SPTAN1: variants seen among roughly 807,000 people sequenced by gnomAD.
The protein encoded by SPTAN1 is spectrin alpha chain, non-erythrocytic 1.
SPTAN1 carries 61 observed loss-of-function variants against 331.3 expected under a neutral mutation model. That is an observed-to-expected ratio of 0.18 (90% confidence interval 0.15 to 0.23). The LOEUF is 0.23. SPTAN1 is among the 10% of genes least tolerant of loss of function. The pLI is 1.00. For missense variants in SPTAN1, 2,043 were observed against 3,147.9 expected, an observed-to-expected ratio of 0.65 and a Z score of 8.40; for synonymous variants, 1,153 against 1,173.9, an observed-to-expected ratio of 0.98 and a Z score of 0.36.
chr9:128,588,858 C>G lies in SPTAN1; in HGVS notation c.2921C>G (p.Ala974Gly). Reference protein sequence around the residue: ...DDETGKELVLALYDYQEKSPR... With the variant: ...DDETGKELVLGLYDYQEKSPR... ...GAGACTGGGAAGGAGCTGGTCTTGGCTCTCTACGACTATCAGGAGAAGAGT... is the reference window on the plus strand; with the variant it reads ...GAGACTGGGAAGGAGCTGGTCTTGGGTCTCTACGACTATCAGGAGAAGAGT... Residue 974 changes from alanine to glycine, a missense_variant, in exon 21 of 57, where the codon GCT becomes GGT. This residue lies in a region of SPTAN1 where 1,038 missense variants were observed against 1,531.5 expected (regional missense o/e 0.68). Transcript: ENST00000372739. The G allele has an allele frequency of 6.2e-7, 1 of 1,614,146 alleles. No individual in the cohort carries two copies. Among genetic ancestry groups the G allele is most frequent in the Non-Finnish European group, 8.5e-7 (1 of 1,180,030 alleles).
intron 37 of SPTAN1, among the ~76,000 whole-genome samples, chr9:128,611,256 G>A (rs1856528662): frequency 6.6e-6 from 1 of 152,182 alleles, no homozygotes; most frequent in Non-Finnish European, 1.5e-5. Flanking sequence ...GATTGCTTGA[G>A]CTCGGGAGTT....
At position 128,625,643 on chromosome 9, in the gene SPTAN1, C is replaced by T; in HGVS notation, c.6070-126C>T. 1.1e-6 allele frequency: 1 copy of T among 879,576 alleles called. No individual in the cohort carries two copies. Among genetic ancestry groups the T allele is most frequent in the Non-Finnish European group, 1.9e-6 (1 of 530,712 alleles). The allele number at this position is 879,576 out of a possible 1,614,324, so 54.5% of individuals were successfully genotyped here. A position where few individuals can be genotyped will look rare whatever the true frequency, so the allele number is the denominator to read the frequency against. On this transcript the variant is annotated intron_variant, in intron 47 of 56. Transcript: ENST00000372739. The surrounding 1 kb of genome is among the most constrained non-coding windows in gnomAD (Gnocchi z 4.1). ...AAAGGGGGCATGTGTGACTGAGTCT[C>T]AGCAGTGTCCAGGTGGACAGTTTGG... is the stretch of plus-strand genomic sequence containing the variant.
chr9:128,617,863 C>A, intron 42 of SPTAN1, 103 bp downstream of exon 42: 1 of 1,611,344 alleles, frequency 6.2e-7, no homozygotes, highest in Non-Finnish European at 8.5e-7. Flanking sequence ...CTAAAGTGTT[C>A]ATGACCCCTC....
chr9:128,630,199 G>A (rs367654110), intron 51 of SPTAN1, 122 bp from the exon 52 acceptor site: 10 of 1,051,490 alleles, frequency 9.5e-6, no homozygotes, highest in Admixed American at 5.1e-5. Context: ...GTTGCAGTTA[G>A]GTTTGGTTTC....
rs548562094 is a variant in SPTAN1 at position 128,574,578 on chromosome 9, G to T, written c.364-97G>T. ...TCTTTTAAAAATATTTTTATTCAGC[G>T]CTCCATAAGGTCTCTAACTTGTCTA... On this transcript the variant is annotated intron_variant, in intron 3 of 56. Transcript: ENST00000372739. The T allele has an allele frequency of 1.6e-4, 220 of 1,365,940 alleles. No homozygotes were observed. The African/African-American group carries it at 2.8e-3, about 17-fold the overall frequency. 84.6% of individuals were successfully genotyped at this position (1,365,940 alleles called of 1,614,324 possible).
At chr9:128,575,145 C>T in intron 4 of SPTAN1, 54 bp from the exon 5 acceptor site, 1 of 1,611,210 alleles carries the variant, frequency 6.2e-7, no homozygotes, top group South Asian at 1.1e-5. Flanking sequence ...TTCTGGAAGC[C>T]ATTGTTAACA....
In SPTAN1 at chr9:128,577,332, C is replaced by G. The variant is rs1337812202; in HGVS notation, c.931-20C>G. ...GTTACCAAGGGTCAGGAGAATAGTT[C>G]TGACGGAGTTCATTTCTAGGTCAAA... On this transcript the variant is annotated intron_variant, in intron 7 of 56. Coordinates refer to ENST00000372739, the MANE Select transcript of SPTAN1 (RefSeq NM_001130438.3). The surrounding 1 kb of genome is among the most constrained non-coding windows in gnomAD (Gnocchi z 4.2). The G allele has an allele frequency of 6.2e-7, 1 of 1,614,206 alleles. No homozygotes were observed. Among genetic ancestry groups the G allele is most frequent in the East Asian group, 2.2e-5 (1 of 44,882 alleles).
Position 128,599,482 on chromosome 9 carries a change from G to GTT in SPTAN1, c.3543+508_3543+509dup, listed in dbSNP as rs111285612. ...ATTCTCCAAAAGACAAAAAAAGTTGGTTTTTTTTTTTTTCGGTCTTTTGTT... is the reference window on the plus strand; with the variant it reads ...ATTCTCCAAAAGACAAAAAAAGTTGGTTTTTTTTTTTTTTTCGGTCTTTTGTT... On this transcript the variant is annotated intron_variant, in intron 26 of 56. Coordinates refer to ENST00000372739, the MANE Select transcript of SPTAN1 (RefSeq NM_001130438.3). 1,242 of 151,272 alleles carry GTT rather than the reference G, an allele frequency of 8.2e-3. 11 individuals carry two copies. Among genetic ancestry groups the GTT allele is most frequent in the African/African-American group, 0.024 (915 of 38,702 alleles). The allele number at this position is 151,272 out of a possible 1,614,324, so 9.4% of individuals were successfully genotyped here. A position where few individuals can be genotyped will look rare whatever the true frequency, so the allele number is the denominator to read the frequency against.
At position 128,594,686 on chromosome 9, in the gene SPTAN1, G is replaced by C. The variant is rs140746652; in HGVS notation, c.3414+313G>C. 2.8e-3 allele frequency among the ~76,000 whole-genome samples: 421 copies of C among 150,398 alleles called. 10 individuals carry two copies. In the East Asian group the frequency reaches 0.041, roughly 15 times the overall value. On this transcript the variant is annotated intron_variant, in intron 24 of 56. Transcript: ENST00000372739. ...ACCTCAGGTGATCCACCCGCCTCAG[G>C]CTCCCAAAGTACTGGGATTATAGGC... is the stretch of plus-strand genomic sequence containing the variant.
intron 24 of SPTAN1, among the ~76,000 whole-genome samples, chr9:128,594,967 G>A (rs990204202): frequency 3.3e-5 from 5 of 150,784 alleles, no homozygotes; most frequent in East Asian, 2.0e-4. Context: ...TCACCACCAC[G>A]CCTGGCTAGT....
At chr9:128,594,428 GAT>G in intron 24 of SPTAN1, 55 bp downstream of exon 24, 1 of 600,828 alleles carries the variant, frequency 1.7e-6, no homozygotes, top group East Asian at 3.5e-5. Flanking sequence ...TGAGTCTCTT[GAT>G]TTTTTTTTTT....
chr9:128,632,623 T>C lies in SPTAN1; in HGVS notation c.7065T>C (p.Ser2355=). The change falls in exon 55 of 57, where the codon TCT becomes TCC. Residue 2355 remains serine (S), a synonymous_variant. Coordinates refer to ENST00000372739, the MANE Select transcript of SPTAN1 (RefSeq NM_001130438.3). ...SGRLNHQEFK[S]CLRSLGYDLP... is the part of the protein sequence containing the mutation. ...GGCTGAACCATCAGGAGTTCAAATCTTGCCTGCGCTCCCTGGGCTATGACC... is the reference window on the plus strand; with the variant it reads ...GGCTGAACCATCAGGAGTTCAAATCCTGCCTGCGCTCCCTGGGCTATGACC... The C allele has an allele frequency of 6.2e-7, 1 of 1,614,072 alleles. No individual in the cohort carries two copies. Among genetic ancestry groups the C allele is most frequent in the South Asian group, 1.1e-5 (1 of 91,090 alleles).
chr9:128,598,491 C>G lies in SPTAN1; in HGVS notation c.3506C>G (p.Ala1169Gly). 1 of 1,608,820 alleles carries G rather than the reference C, an allele frequency of 6.2e-7. No individual in the cohort carries two copies. The highest frequency in any genetic ancestry group is 8.5e-7 in the Non-Finnish European group (1 of 1,177,574). Residue 1169 changes from alanine to glycine, a missense_variant, in exon 25 of 57, where the codon GCT (alanine) becomes GGT (glycine). Coordinates refer to ENST00000372739, the MANE Select transcript of SPTAN1 (RefSeq NM_001130438.3). ...SEGLMAEEVQ[A>G]VQQQEVYGMM... ...GGTCTCATGGCAGAGGAGGTGCAGG[C>G]TGTGCAACAACAGGTAGGTGTCTCC... is the stretch of plus-strand genomic sequence containing the variant.
intron 1 of SPTAN1, among the ~76,000 whole-genome samples, chr9:128,561,992 T>A (rs1330949091): frequency 6.6e-6 from 1 of 152,154 alleles, no homozygotes; most frequent in Admixed American, 6.6e-5. Context: ...AATAATTTCA[T>A]GGCAGAATGT....
chr9:128,564,398 G>A (rs1178395020), intron 1 of SPTAN1, among the ~76,000 whole-genome samples: 1 of 151,204 alleles, frequency 6.6e-6, no homozygotes, highest in East Asian at 1.9e-4. Context: ...TAGCCTGGGT[G>A]ACAGAGCAAG....
At chr9:128,611,877 G>A in intron 38 of SPTAN1, 32 bp downstream of exon 38, 1 of 1,614,006 alleles carries the variant, frequency 6.2e-7, no homozygotes, top group Non-Finnish European at 8.5e-7. Context: ...TGCCCAGGGA[G>A]GAAGATGACC....
At position 128,633,490 on chromosome 9, in the gene SPTAN1, G is replaced by A; in HGVS notation, c.*156G>A. 2 of 1,299,662 alleles carry A rather than the reference G, an allele frequency of 1.5e-6. No individual in the cohort carries two copies. Among genetic ancestry groups the A allele is most frequent in the Non-Finnish European group, 2.2e-6 (2 of 918,354 alleles). The allele number at this position is 1,299,662 out of a possible 1,614,324, so 80.5% of individuals were successfully genotyped here. On this transcript the variant is annotated 3_prime_UTR_variant, in exon 57 of 57. Coordinates refer to ENST00000372739, the MANE Select transcript of SPTAN1 (RefSeq NM_001130438.3). ...ATGGTGCTTCACTAACCCGCTTCCG[G>A]TCCAGTCACAATCATCATGTCACTG... is the stretch of plus-strand genomic sequence containing the variant.
At chr9:128,568,060 C>T (rs1010090968) in intron 2 of SPTAN1, among the ~76,000 whole-genome samples, 3 of 151,890 alleles carry the variant, frequency 2.0e-5, no homozygotes, top group African/African-American at 7.3e-5. Flanking sequence ...ATGCACTCGG[C>T]CAAAACTTTT....
chr9:128,631,974 C>T (rs1338689207), intron 52 of SPTAN1, 153 bp from the exon 53 acceptor site: 3 of 737,954 alleles, frequency 4.1e-6, no homozygotes, highest in Non-Finnish European at 6.7e-6. Flanking sequence ...TCTTCAGCTT[C>T]ACCCCATCCC....
Sources: allele counts gnomAD v4.1 joint callset (sites outside exome capture counted in the v4.1 genomes callset), GRCh38; gene constraint gnomAD v4.1.1; regional missense constraint gnomAD v4.1.1; non-coding constraint Gnocchi (gnomAD v3.1); transcripts MANE v1.5; gene names NCBI Gene and HGNC (gene_info 2026-07-23, HGNC 2026-07-21).